The following PDE4D variants were observed in gnomAD, a reference collection of about 807,000 sequenced individuals.
PDE4D encodes phosphodiesterase 4D.
Under a neutral mutation model 87.4 loss-of-function variants are expected in PDE4D, and 24 were observed. That is an observed-to-expected ratio of 0.27 (90% confidence interval 0.20 to 0.39). The LOEUF is 0.39. Ranked by LOEUF, PDE4D falls within the 10% of genes least tolerant of loss-of-function variation. The pLI is 1.00. For missense variants in PDE4D, 714 were observed against 1,041.0 expected, an observed-to-expected ratio of 0.69 and a Z score of 4.32; for synonymous variants, 384 against 383.2, an observed-to-expected ratio of 1.00 and a Z score of -0.02.
chr5:60,219,074 A>C (rs1744197023), intron 1 of PDE4D, among the ~76,000 whole-genome samples: 1 of 152,150 alleles, frequency 6.6e-6, no homozygotes, highest in African/African-American at 2.4e-5. Flanking sequence ...TATTATTTCT[A>C]GCTAATCATT....
intron 2 of PDE4D, among the ~76,000 whole-genome samples, chr5:60,063,123 AAAGAAAGAAAGAAAGAAAG>A (rs1771637859): frequency 6.7e-6 from 1 of 149,728 alleles, no homozygotes; most frequent in Admixed American, 6.7e-5. Flanking sequence ...AGAAAGAAAG[AAAGAAAGAAAGAAAGAAAG>A]AAAGAAAGAA....
chr5:59,888,567 T>A (rs533364500), intron 1 of PDE4D, among the ~76,000 whole-genome samples: 2 of 152,372 alleles, frequency 1.3e-5, no homozygotes, highest in South Asian at 4.1e-4. Context: ...CATTTTTTGC[T>A]ATTTAAATAT....
intron 1 of PDE4D, among the ~76,000 whole-genome samples, chr5:59,788,845 AGCT>A (rs906809358): frequency 1.3e-5 from 2 of 152,258 alleles, no homozygotes; most frequent in African/African-American, 4.8e-5. Flanking sequence ...TCCCTTACAT[AGCT>A]ATAGAATAGG....
At chr5:60,430,239 C>G (rs1465694949) in intron 1 of PDE4D, 3 of 515,968 alleles carry the variant, frequency 5.8e-6, no homozygotes, top group African/African-American at 5.8e-5. Flanking sequence ...TGGCGAATGA[C>G]CCTTCTTCTT....
intron 1 of PDE4D, among the ~76,000 whole-genome samples, chr5:60,275,989 G>A (rs1408335227): frequency 6.6e-6 from 1 of 152,082 alleles, no homozygotes; most frequent in East Asian, 1.9e-4. Context: ...TGTGGTCAAA[G>A]AACAAACACT....
chr5:58,981,500 GATAAGTTA>G (rs1299471482), intron 11 of PDE4D, among the ~76,000 whole-genome samples: 49 of 5,428 alleles, frequency 9.0e-3, no homozygotes, highest in African/African-American at 0.074. Flanking sequence ...AGAAAATGAA[GATAAGTTA>G]ATACCTCTTA....
At chr5:59,469,390 C>T (rs1802088891) in intron 1 of PDE4D, among the ~76,000 whole-genome samples, 1 of 151,960 alleles carries the variant, frequency 6.6e-6, no homozygotes, top group Admixed American at 6.6e-5. Flanking sequence ...ATGTGGCATA[C>T]AAAAGAGAAA....
chr5:60,041,256 T>C (rs963206461), intron 2 of PDE4D, among the ~76,000 whole-genome samples: 6 of 152,216 alleles, frequency 3.9e-5, no homozygotes, highest in African/African-American at 1.4e-4. Context: ...TAGAATTCTC[T>C]ATGTATGTTC....
At chr5:59,020,345 C>T (rs1379901223) in intron 6 of PDE4D, among the ~76,000 whole-genome samples, 1 of 152,056 alleles carries the variant, frequency 6.6e-6, no homozygotes, top group African/African-American at 2.4e-5. Context: ...CGTGGTCATG[C>T]ACCTGTTATA....
chr5:60,411,810 T>A (rs1229408286), intron 1 of PDE4D, among the ~76,000 whole-genome samples: 2 of 152,134 alleles, frequency 1.3e-5, no homozygotes, highest in Non-Finnish European at 2.9e-5. Flanking sequence ...CCAATGGTGT[T>A]CCCCAGATAT....
intron 1 of PDE4D, among the ~76,000 whole-genome samples, chr5:59,693,742 T>C (rs1751329842): frequency 1.3e-5 from 2 of 152,212 alleles, no homozygotes; most frequent in African/African-American, 4.8e-5. Flanking sequence ...GACTGAAAAG[T>C]ATTTTTTAAT....
intron 1 of PDE4D, among the ~76,000 whole-genome samples, chr5:59,891,156 T>C (rs531706135): frequency 3.1e-4 from 47 of 152,328 alleles, no homozygotes; most frequent in African/African-American, 1.1e-3. Flanking sequence ...ACCATTCAAC[T>C]AAAAATTTCA....
chr5:60,010,662 T>C (rs563750600), intron 2 of PDE4D, among the ~76,000 whole-genome samples: 1 of 152,278 alleles, frequency 6.6e-6, no homozygotes, highest in South Asian at 2.1e-4. Context: ...TGCTCTTGTC[T>C]TATGGTGAAA....
chr5:60,332,839 A>G lies in PDE4D; in HGVS notation c.-89-147152T>C, dbSNP rs184896096. ...CTGTCAAGGAGACATGATTCATCGA[A>G]AAGTCAGAAGCAGAAGAGTCAAAAT... On this transcript the variant is annotated intron_variant, in intron 1 of 16. Coordinates refer to the PDE4D transcript ENST00000502484. Among the ~76,000 whole-genome samples, 22 of 152,352 alleles carry G rather than the reference A, an allele frequency of 1.4e-4. No homozygotes were observed. In the East Asian group the frequency reaches 4.0e-3, roughly 28 times the overall value.
intron 1 of PDE4D, among the ~76,000 whole-genome samples, chr5:59,309,719 C>T (rs1321980474): frequency 2.6e-5 from 4 of 152,152 alleles, no homozygotes; most frequent in African/African-American, 4.8e-5. Flanking sequence ...ATTCACAATG[C>T]GAGCCTCCAC....
intron 2 of PDE4D, among the ~76,000 whole-genome samples, chr5:60,048,370 A>C (rs1019515494): frequency 2.0e-5 from 3 of 151,788 alleles, no homozygotes; most frequent in African/African-American, 7.3e-5. Context: ...TTTACATTTA[A>C]AGTTAATATT....
chr5:59,981,586 T>C (rs1403224899), intron 3 of PDE4D, among the ~76,000 whole-genome samples: 1 of 152,204 alleles, frequency 6.6e-6, no homozygotes, highest in Non-Finnish European at 1.5e-5. Context: ...ATGTGTTTTA[T>C]TTTCAATTTT....
chr5:59,778,322 G>A (rs922803562), intron 1 of PDE4D, among the ~76,000 whole-genome samples: 4 of 152,172 alleles, frequency 2.6e-5, no homozygotes, highest in Non-Finnish European at 5.9e-5. Context: ...GTCAATCTAT[G>A]GATAACTGTA....
rs200440074 is a variant in PDE4D, at chr5:60,317,141, A to G, written c.-89-131454T>C. ...CTGGACTTTTTTTGGTTGATAAGCT[A>G]TTAATTATTGCCTCAATTTCAGAGT... is the stretch of plus-strand genomic sequence containing the variant. On this transcript the variant is annotated intron_variant, in intron 1 of 16. Coordinates refer to the PDE4D transcript ENST00000502484. Among the ~76,000 whole-genome samples, 21 of 152,224 alleles carry G rather than the reference A, an allele frequency of 1.4e-4. No homozygotes were observed. The East Asian group carries it at 3.9e-3, about 28-fold the overall frequency.
Sources: allele counts gnomAD v4.1 joint callset (sites outside exome capture counted in the v4.1 genomes callset), GRCh38; gene constraint gnomAD v4.1.1; transcripts MANE v1.5; gene names NCBI Gene and HGNC (gene_info 2026-07-23, HGNC 2026-07-21).